Variants in LAMC1 observed in about 807,000 individuals in gnomAD.
LAMC1 encodes the protein laminin subunit gamma 1, also known as laminin subunit gamma-1.
LAMC1 carries 38 observed loss-of-function variants against 173.6 expected under a neutral mutation model. The ratio of observed to expected loss-of-function variants is 0.22; its 90% confidence interval spans 0.17 to 0.29. The LOEUF is 0.29. Ranked by LOEUF, LAMC1 falls within the 10% of genes least tolerant of loss-of-function variation. LAMC1 has a pLI of 1.00. For synonymous variants in LAMC1, 746 were observed against 749.1 expected (o/e 1.00, Z 0.07); for missense variants, 1,824 against 2,051.8 (o/e 0.89, Z 2.14).
At chr1:183,093,499 G>T (rs1322840715) in intron 1 of LAMC1, among the ~76,000 whole-genome samples, 2 of 152,114 alleles carry the variant, frequency 1.3e-5, no homozygotes, top group East Asian at 3.9e-4. Context: ...CTAAAAGTTG[G>T]TATGTCCCGA....
Position 183,124,767 on chromosome 1 carries a change from G to A in LAMC1, c.2538G>A (p.Thr846=), listed in dbSNP as rs746890214. The A allele has an allele frequency of 3.2e-5, 51 of 1,614,038 alleles. No homozygotes were observed. Among genetic ancestry groups the A allele is most frequent in the Non-Finnish European group, 3.7e-5 (44 of 1,180,022 alleles). The stretch of plus-strand genomic sequence containing the variant: ...CAGTTGGAAATTGCAATCGCTTGAC[G>A]GGAGAATGCCTGAAGTGCATCTATA... ...PNAVGNCNRL[T]GECLKCIYNT... is the part of the protein sequence containing the mutation. The change falls in exon 14 of 28, where the codon ACG becomes ACA. Residue 846 remains threonine, a synonymous_variant. Coordinates refer to ENST00000258341, the MANE Select transcript of LAMC1 (RefSeq NM_002293.4).
intron 2 of LAMC1, among the ~76,000 whole-genome samples, chr1:183,106,909 C>T (rs1158122911): frequency 6.6e-6 from 1 of 152,084 alleles, no homozygotes. Context: ...TGTTGATGTA[C>T]CCTCGGCTGA....
chr1:183,101,853 A>C (rs1287296838), intron 1 of LAMC1, among the ~76,000 whole-genome samples: 9 of 152,212 alleles, frequency 5.9e-5, no homozygotes, highest in African/African-American at 1.9e-4. Flanking sequence ...CAGTTAATCC[A>C]ACCTCCTCTA....
intron 25 of LAMC1, 146 bp downstream of exon 25, chr1:183,136,731 T>C (rs79440838): frequency 9.7e-6 from 6 of 617,974 alleles, no homozygotes; most frequent in South Asian, 4.2e-5. Context: ...TTTTTTTTTT[T>C]CTTTTGACTA....
At chr1:183,117,853 G>T in intron 10 of LAMC1, 130 bp downstream of exon 10, 3 of 870,674 alleles carry the variant, frequency 3.4e-6, no homozygotes, top group Non-Finnish European at 5.3e-6. Flanking sequence ...TTTTGTAAAA[G>T]GGAGCCTTCC....
intron 1 of LAMC1, among the ~76,000 whole-genome samples, chr1:183,050,556 A>G (rs531931683): frequency 1.5e-5 from 2 of 137,348 alleles, no homozygotes; most frequent in East Asian, 5.3e-4. Flanking sequence ...TGCTGGGATT[A>G]CAGGCGTGAG....
intron 11 of LAMC1, among the ~76,000 whole-genome samples, chr1:183,118,574 T>G (rs1015579098): frequency 2.0e-5 from 3 of 152,000 alleles, no homozygotes; most frequent in African/African-American, 7.3e-5. Flanking sequence ...AATACAAAAA[T>G]TAGCCAGGTG....
intron 1 of LAMC1, among the ~76,000 whole-genome samples, chr1:183,073,290 G>A (rs1346085406): frequency 6.6e-6 from 1 of 152,198 alleles, no homozygotes; most frequent in East Asian, 1.9e-4. Flanking sequence ...TAACAAAATA[G>A]GTAGGGATTT....
intron 4 of LAMC1, 79 bp downstream of exon 4, chr1:183,110,733 T>C: frequency 7.1e-7 from 1 of 1,402,668 alleles, no homozygotes; most frequent in Non-Finnish European, 9.8e-7. Flanking sequence ...GACTTTCTTT[T>C]ATTCCTCCTT....
chr1:183,108,226 T>A, intron 2 of LAMC1, 50 bp from the exon 3 acceptor site: 2 of 1,573,492 alleles, frequency 1.3e-6, no homozygotes, highest in Non-Finnish European at 1.7e-6. Context: ...TTTATATCAT[T>A]TTCAGTCCCT....
intron 6 of LAMC1, 52 bp downstream of exon 6, chr1:183,115,689 C>T: frequency 8.6e-7 from 1 of 1,158,072 alleles, no homozygotes; most frequent in Non-Finnish European, 1.3e-6. Flanking sequence ...ATATAGTCAA[C>T]ACATATTAAT....
At chr1:183,136,641 C>A (rs1353159536) in intron 25 of LAMC1, 56 bp downstream of exon 25, 17 of 1,454,526 alleles carry the variant, frequency 1.2e-5, no homozygotes, top group Non-Finnish European at 1.5e-5. Context: ...TGGTCACTTT[C>A]CAGTTTCTTT....
At position 183,108,402 on chromosome 1, in the gene LAMC1, G is replaced by A; in HGVS notation, c.850G>A (p.Gly284Ser). 6.2e-7 allele frequency: 1 copy of A among 1,611,988 alleles called. No homozygotes were observed. The highest frequency in any genetic ancestry group is 8.5e-7 in the Non-Finnish European group (1 of 1,178,896). ...TGCCATCTCTGATTTTGCTGTAGGT[G>A]GCAGGTAAGTAAACTATTAAATTAG... is the stretch of plus-strand genomic sequence containing the variant. The part of the protein sequence containing the change: ...YYAISDFAVG[G>S]RCKCNGHASE... The change falls in exon 3 of 28, where the codon GGC (glycine) becomes AGC (serine). Residue 284 changes from glycine (G) to serine (S), a missense_variant. Coordinates refer to ENST00000258341, the MANE Select transcript of LAMC1 (RefSeq NM_002293.4).
At chr1:183,129,526 T>TTG (rs756740752) in intron 18 of LAMC1, among the ~76,000 whole-genome samples, 6 of 152,022 alleles carry the variant, frequency 3.9e-5, no homozygotes, top group Non-Finnish European at 8.8e-5. Flanking sequence ...TCCAAACCTG[T>TTG]ATTCATCTTC....
rs1295168859 is a variant in LAMC1 at position 183,144,692 on chromosome 1, T to A, written c.*1902T>A. 1 of 152,186 alleles carries A rather than the reference T, an allele frequency of 6.6e-6. No homozygotes were observed. 9.4% of individuals were successfully genotyped at this position (152,186 alleles called of 1,614,324 possible). On this transcript the variant is annotated 3_prime_UTR_variant, in exon 28 of 28. Transcript: ENST00000258341. The stretch of plus-strand genomic sequence containing the variant: ...CTGAAGAGGATCTTTGACGCCACAG[T>A]GGGACTAGCCAGGAATGAGGGAGAA...
At chr1:183,055,329 T>A (rs898668106) in intron 1 of LAMC1, among the ~76,000 whole-genome samples, 1 of 151,994 alleles carries the variant, frequency 6.6e-6, no homozygotes, top group Non-Finnish European at 1.5e-5. Flanking sequence ...GTGTGTGAAA[T>A]GTGGCGATAG....
chr1:183,027,058 G>A (rs910827224), intron 1 of LAMC1, among the ~76,000 whole-genome samples: 10 of 152,134 alleles, frequency 6.6e-5, no homozygotes, highest in East Asian at 3.8e-4. Context: ...AGGCTGAGGC[G>A]TATTTTAACA....
intron 1 of LAMC1, among the ~76,000 whole-genome samples, chr1:183,067,765 C>T (rs1654912017): frequency 6.6e-6 from 1 of 152,154 alleles, no homozygotes; most frequent in Non-Finnish European, 1.5e-5. Context: ...ACTGGGATTA[C>T]AGATGTGAGC....
chr1:183,086,665 T>G (rs1186885560), intron 1 of LAMC1, among the ~76,000 whole-genome samples: 2 of 152,216 alleles, frequency 1.3e-5, no homozygotes, highest in Non-Finnish European at 2.9e-5. Context: ...CCTTACCTTC[T>G]ATTATTCATT....
Sources: gnomAD v4.1 joint callset for allele counts (sites outside exome capture counted in the v4.1 genomes callset) on GRCh38, gnomAD v4.1.1 for gene constraint, MANE v1.5 for transcripts, NCBI Gene and HGNC (gene_info 2026-07-23, HGNC 2026-07-21) for gene names.